The following STPG2 variants were observed in gnomAD, a reference collection of about 807,000 sequenced individuals.
The protein encoded by STPG2 is sperm-tail PG-rich repeat-containing protein 2.
A neutral mutation model predicts 54.2 loss-of-function variants in STPG2; 56 were observed. The observed-to-expected ratio is 1.03, with a 90% confidence interval of 0.83 to 1.29. The LOEUF is 1.29. Ranked by LOEUF, STPG2 falls within the 50% of genes most tolerant of loss-of-function variation. STPG2 has a pLI of 0.00. For missense variants in STPG2, 596 were observed against 544.9 expected, an observed-to-expected ratio of 1.09 and a Z score of -0.93; for synonymous variants, 200 against 181.8, an observed-to-expected ratio of 1.10 and a Z score of -0.81.
intron 7 of STPG2, among the ~76,000 whole-genome samples, chr4:97,959,079 A>T (rs1310428473): frequency 6.6e-6 from 1 of 152,194 alleles, no homozygotes; most frequent in Non-Finnish European, 1.5e-5. Flanking sequence ...AACCTTCAAA[A>T]TCATGCAAAT....
At chr4:97,997,899 C>T (rs190383961) in intron 5 of STPG2, among the ~76,000 whole-genome samples, 11 of 152,206 alleles carry the variant, frequency 7.2e-5, no homozygotes, top group Admixed American at 1.3e-4. Context: ...ATATAACAAA[C>T]CTGCCCAGGT....
At chr4:98,139,456 T>C (rs1308908110) in intron 1 of STPG2, among the ~76,000 whole-genome samples, 1 of 152,170 alleles carries the variant, frequency 6.6e-6, no homozygotes, top group Non-Finnish European at 1.5e-5. Context: ...TCTGTTCTTC[T>C]CACATCATAC....
intron 10 of STPG2, among the ~76,000 whole-genome samples, chr4:97,710,099 A>T (rs570113638): frequency 2.0e-4 from 26 of 131,888 alleles, no homozygotes; most frequent in Admixed American, 7.4e-4. Context: ...AGATTAATAA[A>T]CCTTCTAAAA....
chr4:97,559,591 A>G (rs1280972310), intron 10 of STPG2, among the ~76,000 whole-genome samples: 1 of 152,136 alleles, frequency 6.6e-6, no homozygotes, highest in Non-Finnish European at 1.5e-5. Flanking sequence ...GCTTCAATTA[A>G]TTTCCAGGCT....
intron 5 of STPG2, among the ~76,000 whole-genome samples, chr4:98,101,024 T>C (rs1202782751): frequency 6.6e-6 from 1 of 150,990 alleles, no homozygotes; most frequent in Non-Finnish European, 1.5e-5. Context: ...AAGTGTTATT[T>C]TCCTTGGACC....
At chr4:98,125,278 T>G (rs764192345) in intron 3 of STPG2, among the ~76,000 whole-genome samples, 3 of 152,226 alleles carry the variant, frequency 2.0e-5, no homozygotes, top group Admixed American at 6.5e-5. Context: ...GTTTTCAGCA[T>G]TTTTGCATTG....
At chr4:98,098,046 C>A (rs1051158574) in intron 5 of STPG2, among the ~76,000 whole-genome samples, 2 of 151,970 alleles carry the variant, frequency 1.3e-5, no homozygotes, top group African/African-American at 2.4e-5. Flanking sequence ...CCCATGATAC[C>A]CAAAGCAATC....
chr4:97,706,114 C>G (rs1188122624), intron 10 of STPG2, among the ~76,000 whole-genome samples: 5 of 152,002 alleles, frequency 3.3e-5, no homozygotes, highest in Non-Finnish European at 7.4e-5. Flanking sequence ...TTGAATTTTT[C>G]TTTTTATTCG....
At chr4:97,446,108 A>G (rs1487296176) in intron 4 of STPG2, among the ~76,000 whole-genome samples, 1 of 152,196 alleles carries the variant, frequency 6.6e-6, no homozygotes, top group African/African-American at 2.4e-5. Context: ...AAAAAAGTCT[A>G]CATGCTAAAA....
intron 5 of STPG2, among the ~76,000 whole-genome samples, chr4:98,020,229 G>C (rs372413214): frequency 0.13 from 12,595 of 97,778 alleles, 878 homozygotes; most frequent in Middle Eastern, 0.19. Flanking sequence ...TAGCATGAAG[G>C]GTTGTTGAAT....
At chr4:98,123,148 T>C (rs1012090833) in intron 3 of STPG2, among the ~76,000 whole-genome samples, 4 of 152,188 alleles carry the variant, frequency 2.6e-5, no homozygotes, top group Admixed American at 2.0e-4. Flanking sequence ...AAATAGCTTC[T>C]GGGTTCATTG....
intron 9 of STPG2, among the ~76,000 whole-genome samples, chr4:97,767,909 T>C (rs1183205940): frequency 6.6e-6 from 1 of 152,176 alleles, no homozygotes; most frequent in South Asian, 2.1e-4. Context: ...GGCTCACGCC[T>C]GTAATCCCAG....
chr4:97,476,507 A>G (rs1250612711), intron 4 of STPG2, among the ~76,000 whole-genome samples: 1 of 151,950 alleles, frequency 6.6e-6, no homozygotes, highest in Non-Finnish European at 1.5e-5. Flanking sequence ...TTACTTGATT[A>G]TTTTTCCATA....
intron 9 of STPG2, among the ~76,000 whole-genome samples, chr4:97,767,382 A>C (rs765172788): frequency 1.3e-5 from 2 of 152,106 alleles, no homozygotes; most frequent in Non-Finnish European, 2.9e-5. Flanking sequence ...ATTTATCCTC[A>C]ACAAAATGGA....
intron 8 of STPG2, among the ~76,000 whole-genome samples, chr4:97,919,264 A>G (rs973534762): frequency 1.3e-5 from 2 of 151,852 alleles, no homozygotes; most frequent in African/African-American, 4.8e-5. Flanking sequence ...GCTGAAAATT[A>G]TCAATTTAGG....
intron 10 of STPG2, among the ~76,000 whole-genome samples, chr4:97,599,327 G>T (rs928264464): frequency 2.0e-5 from 3 of 152,218 alleles, no homozygotes; most frequent in African/African-American, 7.2e-5. Context: ...CTTGTGGAAA[G>T]CAGTGTTTTG....
At chr4:97,571,410 T>A (rs1341012198) in intron 10 of STPG2, among the ~76,000 whole-genome samples, 1 of 152,104 alleles carries the variant, frequency 6.6e-6, no homozygotes, top group African/African-American at 2.4e-5. Context: ...ACGTGCCTCA[T>A]TATACCTCTA....
intron 9 of STPG2, among the ~76,000 whole-genome samples, chr4:97,797,797 G>C (rs1019502525): frequency 1.3e-5 from 2 of 152,134 alleles, no homozygotes; most frequent in African/African-American, 4.8e-5. Context: ...GTAGAATTCG[G>C]CTGCGAATCC....
chr4:97,907,692 A>G (rs1340787590), intron 8 of STPG2, among the ~76,000 whole-genome samples: 1 of 152,202 alleles, frequency 6.6e-6, no homozygotes, highest in Non-Finnish European at 1.5e-5. Flanking sequence ...GGAACAGAAC[A>G]GAGCCCTCAG....
Sources: allele counts gnomAD v4.1 joint callset (sites outside exome capture counted in the v4.1 genomes callset), GRCh38; gene constraint gnomAD v4.1.1; transcripts MANE v1.5; gene names NCBI Gene and HGNC (gene_info 2026-07-23, HGNC 2026-07-21).